The following ZFPM2 variants were observed in gnomAD, a reference collection of about 807,000 sequenced individuals.
ZFPM2 encodes the protein zinc finger protein, FOG family member 2, also known as zinc finger protein ZFPM2.
A neutral mutation model predicts 98.6 loss-of-function variants in ZFPM2; 20 were observed. That is an observed-to-expected ratio of 0.20 (90% CI 0.14 to 0.29). ZFPM2 has a LOEUF of 0.29. Ranked by LOEUF, ZFPM2 falls within the 10% of genes least tolerant of loss-of-function variation. The pLI is 1.00. For missense variants in ZFPM2, 1,310 were observed against 1,388.6 expected (o/e 0.94, Z 0.90); for synonymous variants, 518 against 502.7 (o/e 1.03, Z -0.41).
intron 1 of ZFPM2, among the ~76,000 whole-genome samples, chr8:105,412,492 G>A (rs1365420016): frequency 6.6e-6 from 1 of 151,410 alleles, no homozygotes; most frequent in Non-Finnish European, 1.5e-5. Context: ...TCAAAAAGAA[G>A]AATTTCTACC....
intron 5 of ZFPM2, among the ~76,000 whole-genome samples, chr8:105,716,715 G>A (rs1371342653): frequency 6.6e-6 from 1 of 151,994 alleles, no homozygotes; most frequent in Non-Finnish European, 1.5e-5. Flanking sequence ...GCCACCTCAT[G>A]TGCTTTTTCA....
At chr8:105,568,209 A>G (rs887930090) in intron 4 of ZFPM2, among the ~76,000 whole-genome samples, 10 of 152,118 alleles carry the variant, frequency 6.6e-5, no homozygotes, top group Non-Finnish European at 1.3e-4. Flanking sequence ...GCACATTTCA[A>G]CTGTTTTGCA....
intron 3 of ZFPM2, among the ~76,000 whole-genome samples, chr8:105,491,424 G>A (rs1033983237): frequency 1.3e-5 from 2 of 152,046 alleles, no homozygotes; most frequent in Non-Finnish European, 2.9e-5. Flanking sequence ...AAACAAGCCG[G>A]CATTAATTAA....
chr8:105,383,676 G>A (rs1156425855), intron 1 of ZFPM2, among the ~76,000 whole-genome samples: 3 of 151,900 alleles, frequency 2.0e-5, no homozygotes, highest in Admixed American at 1.3e-4. Flanking sequence ...TTAGTGGTCC[G>A]GAGTATATGA....
At chr8:105,569,941 A>G (rs13279114) in intron 4 of ZFPM2, among the ~76,000 whole-genome samples, 23,109 of 152,034 alleles carry the variant, frequency 0.15, 1,822 homozygotes, top group African/African-American at 0.2. Context: ...TAAGAGCAAG[A>G]TTGTTCCAAG....
At chr8:105,369,237 C>A (rs1810571052) in intron 1 of ZFPM2, among the ~76,000 whole-genome samples, 1 of 152,104 alleles carries the variant, frequency 6.6e-6, no homozygotes, top group Admixed American at 6.6e-5. Flanking sequence ...TTAAGAGGGT[C>A]TGTTTGAAAT....
intron 2 of ZFPM2, among the ~76,000 whole-genome samples, chr8:105,443,508 A>G (rs563297114): frequency 6.6e-6 from 1 of 152,228 alleles, no homozygotes; most frequent in Admixed American, 6.5e-5. Flanking sequence ...TAAAAGCAGC[A>G]CATACTTTGT....
chr8:105,595,529 A>C (rs181557601), intron 4 of ZFPM2, among the ~76,000 whole-genome samples: 4 of 152,272 alleles, frequency 2.6e-5, no homozygotes, highest in Admixed American at 2.6e-4. Context: ...ATTAACTCAG[A>C]AAATAAATTG....
At chr8:105,657,226 T>C (rs1375810004) in intron 5 of ZFPM2, among the ~76,000 whole-genome samples, 3 of 151,928 alleles carry the variant, frequency 2.0e-5, no homozygotes, top group African/African-American at 7.3e-5. Context: ...GCAACCTCTG[T>C]CTCCTGGGTT....
At chr8:105,499,237 C>G (rs1232160293) in intron 3 of ZFPM2, among the ~76,000 whole-genome samples, 1 of 150,304 alleles carries the variant, frequency 6.7e-6, no homozygotes, top group Non-Finnish European at 1.5e-5. Context: ...TTAAGGGCAT[C>G]TCTTCTAGAT....
chr8:105,534,945 C>G (rs528960574), intron 3 of ZFPM2, among the ~76,000 whole-genome samples: 1 of 152,214 alleles, frequency 6.6e-6, no homozygotes, highest in South Asian at 2.1e-4. Flanking sequence ...ATAGTAACAG[C>G]AAGTTTTCAG....
intron 5 of ZFPM2, among the ~76,000 whole-genome samples, chr8:105,721,221 A>C (rs1240234114): frequency 6.6e-6 from 1 of 151,894 alleles, no homozygotes; most frequent in Non-Finnish European, 1.5e-5. Context: ...CATCCAGTGA[A>C]TACTGTGTTT....
intron 1 of ZFPM2, among the ~76,000 whole-genome samples, chr8:105,373,105 C>T (rs1426124604): frequency 2.0e-5 from 3 of 152,168 alleles, no homozygotes; most frequent in Non-Finnish European, 4.4e-5. Flanking sequence ...TCTTGTTGGC[C>T]AGGAGACCTC....
intron 1 of ZFPM2, among the ~76,000 whole-genome samples, chr8:105,372,878 A>G (rs2129823823): frequency 6.6e-6 from 1 of 152,356 alleles, no homozygotes; most frequent in South Asian, 2.1e-4. Context: ...TTTCACGATA[A>G]TGATAGGAAT....
rs76869567 is a variant in ZFPM2 at position 105,586,096 on chromosome 8, G to A, written c.420+24615G>A. Among the ~76,000 whole-genome samples the A allele has an allele frequency of 5.0e-4, 76 of 151,892 alleles. No individual in the cohort carries two copies. The East Asian group carries it at 0.014, about 28-fold the overall frequency. ...AGGAAATGGGGAATGTAATTAATGT[G>A]CAAAGGCCTACAGGCAAAAGAGAAC... On this transcript the variant is annotated intron_variant, in intron 4 of 7. Transcript: ENST00000407775.
intron 3 of ZFPM2, among the ~76,000 whole-genome samples, chr8:105,483,522 A>G (rs1241657946): frequency 6.6e-6 from 1 of 151,388 alleles, no homozygotes; most frequent in African/African-American, 2.4e-5. Context: ...TTCGGGAGGC[A>G]GAGGTTGCAG....
chr8:105,422,383 G>A (rs1166237024), intron 2 of ZFPM2, among the ~76,000 whole-genome samples: 3 of 152,136 alleles, frequency 2.0e-5, no homozygotes, highest in African/African-American at 7.2e-5. Context: ...GGAGGTTACA[G>A]ACAGCCGAGA....
chr8:105,383,887 C>G (rs1468922587), intron 1 of ZFPM2, among the ~76,000 whole-genome samples: 1 of 152,116 alleles, frequency 6.6e-6, no homozygotes, highest in Non-Finnish European at 1.5e-5. Flanking sequence ...CTGCATAATG[C>G]TTATATTGCT....
At chr8:105,560,536 T>C (rs1815110259) in intron 3 of ZFPM2, among the ~76,000 whole-genome samples, 1 of 151,974 alleles carries the variant, frequency 6.6e-6, no homozygotes, top group Non-Finnish European at 1.5e-5. Context: ...TTGTGATTTT[T>C]TTTCTACCTA....
Sources: allele counts gnomAD v4.1 joint callset (sites outside exome capture counted in the v4.1 genomes callset), GRCh38; gene constraint gnomAD v4.1.1; transcripts MANE v1.5; gene names NCBI Gene and HGNC (gene_info 2026-07-23, HGNC 2026-07-21).